The following DOCK3 variants were observed in gnomAD, a reference collection of about 807,000 sequenced individuals.
DOCK3 encodes the protein dedicator of cytokinesis protein 3.
In DOCK3, 60 loss-of-function variants were observed where a neutral mutation model predicts 265.6. The ratio of observed to expected loss-of-function variants is 0.23; its 90% confidence interval spans 0.18 to 0.28. The LOEUF (loss-of-function observed/expected upper bound fraction) is 0.28, where lower values mean the gene tolerates loss of function less well. DOCK3 is among the 10% of genes least tolerant of loss of function. The probability of loss-of-function intolerance (pLI) is 1.00; values close to 1 mark genes in which losing one functional copy is unlikely to be tolerated. For missense variants in DOCK3, 1,981 were observed against 2,594.3 expected (o/e 0.76, Z 5.14); for synonymous variants, 881 against 938.0 (o/e 0.94, Z 1.11).
At chr3:50,885,259 A>G (rs921571258) in intron 3 of DOCK3, among the ~76,000 whole-genome samples, 6 of 151,492 alleles carry the variant, frequency 4.0e-5, no homozygotes, top group Non-Finnish European at 8.8e-5. Context: ...ATTTCATTGT[A>G]TGGATGTGCT....
At chr3:50,893,319 A>G in intron 4 of DOCK3, 1 of 226,304 alleles carries the variant, frequency 4.4e-6, no homozygotes, top group Non-Finnish European at 9.0e-6. Flanking sequence ...TAATAGTCTT[A>G]AAGATTACTT....
intron 6 of DOCK3, among the ~76,000 whole-genome samples, chr3:51,070,019 T>C (rs1383281486): frequency 1.3e-5 from 2 of 152,242 alleles, no homozygotes; most frequent in Admixed American, 1.3e-4. Context: ...CTGGGATGTC[T>C]TGGCTATGTT....
At position 50,698,510 on chromosome 3, in the gene DOCK3, GTTTTTGGTTTT is replaced by G. The variant is rs1236713218; in HGVS notation, c.37+23216_37+23226del. 8.4e-4 allele frequency among the ~76,000 whole-genome samples: 8 copies of G among 9,486 alleles called. No individual in the cohort carries two copies. The East Asian group carries it at 0.01, about 12-fold the overall frequency. 6.2% of individuals were successfully genotyped at this position (9,486 alleles called of 152,430 possible). On this transcript the variant is annotated intron_variant, in intron 1 of 52. Coordinates refer to ENST00000266037, the MANE Select transcript of DOCK3 (RefSeq NM_004947.5). ...TGTACAAGTTTCTCTGTGGATGTAT[GTTTTTGGTTTT>G]TTTTTTTTTTTTTTTTTTTTTGCTA...
At chr3:51,219,085 G>A (rs1188818111) in intron 14 of DOCK3, among the ~76,000 whole-genome samples, 2 of 152,156 alleles carry the variant, frequency 1.3e-5, no homozygotes, top group Non-Finnish European at 2.9e-5. Context: ...CATCCTTTTA[G>A]AGGACCCTCT....
At chr3:50,868,113 C>T (rs1463537445) in intron 3 of DOCK3, among the ~76,000 whole-genome samples, 6 of 149,680 alleles carry the variant, frequency 4.0e-5, no homozygotes, top group Non-Finnish European at 7.4e-5. Flanking sequence ...CTCACTCTGT[C>T]GCCAGACTGG....
chr3:51,273,372 C>T (rs2080620715), intron 24 of DOCK3, among the ~76,000 whole-genome samples: 1 of 152,162 alleles, frequency 6.6e-6, no homozygotes, highest in Non-Finnish European at 1.5e-5. Flanking sequence ...TCATTTGCAT[C>T]TCACTTTCAT....
At chr3:51,041,318 C>T (rs1463803058) in intron 5 of DOCK3, among the ~76,000 whole-genome samples, 4 of 143,426 alleles carry the variant, frequency 2.8e-5, no homozygotes, top group African/African-American at 5.1e-5. Flanking sequence ...CCTGGGTTCA[C>T]GCCATTCTCC....
At chr3:50,854,115 G>A (rs899455709) in intron 3 of DOCK3, among the ~76,000 whole-genome samples, 1 of 151,912 alleles carries the variant, frequency 6.6e-6, no homozygotes, top group African/African-American at 2.4e-5. Flanking sequence ...GTCTTCTTTT[G>A]AGACGTGTCT....
chr3:51,047,269 A>AGGGGGGG (rs147058987), intron 5 of DOCK3, among the ~76,000 whole-genome samples: 1 of 124,524 alleles, frequency 8.0e-6, no homozygotes, highest in African/African-American at 3.1e-5. Flanking sequence ...AGGTTGGGGG[A>AGGGGGGG]GGGGGAGGGA....
intron 4 of DOCK3, among the ~76,000 whole-genome samples, chr3:50,930,153 T>G (rs551654174): frequency 6.6e-6 from 1 of 152,250 alleles, no homozygotes; most frequent in Admixed American, 6.5e-5. Context: ...TTTATAGATC[T>G]TAATGATTAA....
At chr3:50,922,193 A>G (rs1575538143) in intron 4 of DOCK3, among the ~76,000 whole-genome samples, 1 of 152,194 alleles carries the variant, frequency 6.6e-6, no homozygotes, top group South Asian at 2.1e-4. Context: ...TTGAGCTGCC[A>G]TGGGCTCTAC....
intron 5 of DOCK3, among the ~76,000 whole-genome samples, chr3:50,991,785 T>G (rs2078114781): frequency 6.6e-6 from 1 of 152,078 alleles, no homozygotes; most frequent in Non-Finnish European, 1.5e-5. Context: ...AACAACAGAA[T>G]ATACATTCTT....
chr3:51,149,177 G>A (rs1474554593), intron 10 of DOCK3, among the ~76,000 whole-genome samples: 2 of 152,132 alleles, frequency 1.3e-5, no homozygotes, highest in African/African-American at 4.8e-5. Flanking sequence ...TGTGATTTTT[G>A]CACATTGATT....
At chr3:50,796,817 A>T (rs898729559) in intron 2 of DOCK3, among the ~76,000 whole-genome samples, 1 of 151,946 alleles carries the variant, frequency 6.6e-6, no homozygotes, top group Admixed American at 6.6e-5. Context: ...TTGCGGTATA[A>T]GGTGAATTCA....
At chr3:51,155,693 A>G (rs2085811778) in intron 10 of DOCK3, among the ~76,000 whole-genome samples, 1 of 152,156 alleles carries the variant, frequency 6.6e-6, no homozygotes, top group Admixed American at 6.6e-5. Flanking sequence ...ACTTGGTTAG[A>G]TTTTAGGGTT....
rs1365052278 is a variant in DOCK3 at position 51,114,579 on chromosome 3, G to T, written c.746+24195G>T. Among the ~76,000 whole-genome samples the T allele has an allele frequency of 2.0e-5, 3 of 152,172 alleles. No individual in the cohort carries two copies. The East Asian group carries it at 5.8e-4, about 29-fold the overall frequency. Reference sequence around the variant, plus strand: ...GTAGGAATATAGAGGCAGAAATGAGGATACCTCTGTAGAAGTTTGGTGAAA... The same window carrying T: ...GTAGGAATATAGAGGCAGAAATGAGTATACCTCTGTAGAAGTTTGGTGAAA... On this transcript the variant is annotated intron_variant, in intron 9 of 52. Transcript: ENST00000266037.
At chr3:51,019,574 G>A (rs921220391) in intron 5 of DOCK3, among the ~76,000 whole-genome samples, 4 of 151,784 alleles carry the variant, frequency 2.6e-5, no homozygotes, top group Admixed American at 6.6e-5. Context: ...CATCACCTAG[G>A]TATTAAGCCC....
At chr3:50,757,833 G>GA (rs2040260457) in intron 1 of DOCK3, among the ~76,000 whole-genome samples, 1 of 151,976 alleles carries the variant, frequency 6.6e-6, no homozygotes, top group Admixed American at 6.6e-5. Flanking sequence ...GATATCTATT[G>GA]AAAAGATGAT....
intron 27 of DOCK3, among the ~76,000 whole-genome samples, chr3:51,294,222 CAT>C (rs561699273): frequency 2.0e-4 from 31 of 152,104 alleles, no homozygotes; most frequent in Non-Finnish European, 3.7e-4. Context: ...AGATTTTTAA[CAT>C]GTGGTATATA....
Sources: gnomAD v4.1 joint callset for allele counts (sites outside exome capture counted in the v4.1 genomes callset) on GRCh38, gnomAD v4.1.1 for gene constraint, MANE v1.5 for transcripts, NCBI Gene and HGNC (gene_info 2026-07-23, HGNC 2026-07-21) for gene names.